The following CORO2B variants were observed in gnomAD, a reference collection of about 807,000 sequenced individuals.
CORO2B encodes the protein coronin-2B.
Under a neutral mutation model 58.8 loss-of-function variants are expected in CORO2B, and 26 were observed. The ratio of observed to expected loss-of-function variants is 0.44; its 90% CI spans 0.32 to 0.61. CORO2B has a LOEUF of 0.61. CORO2B is among the 20% of genes least tolerant of loss of function. The pLI, the probability that CORO2B is intolerant of heterozygous loss-of-function variation, is 0.04. For synonymous variants in CORO2B, 242 were observed against 253.8 expected, an observed-to-expected ratio of 0.95 and a Z score of 0.44; for missense variants, 460 against 645.1, an observed-to-expected ratio of 0.71 and a Z score of 3.11.
chr15:68,632,481 AT>A, intron 1 of CORO2B: 1 of 964,720 alleles, frequency 1.0e-6, no homozygotes, highest in Non-Finnish European at 1.2e-6. Flanking sequence ...CTCTTAAGAT[AT>A]TTTGTGGCTG....
chr15:68,630,772 G>A (rs1900806760), intron 1 of CORO2B, among the ~76,000 whole-genome samples: 1 of 152,162 alleles, frequency 6.6e-6, no homozygotes, highest in South Asian at 2.1e-4. Flanking sequence ...TTCTGTCCTT[G>A]TGGTCTGTCT....
At chr15:68,596,498 C>T (rs1899833669) in intron 1 of CORO2B, among the ~76,000 whole-genome samples, 1 of 152,084 alleles carries the variant, frequency 6.6e-6, no homozygotes, top group Non-Finnish European at 1.5e-5. Context: ...CCACGGAAAG[C>T]ACAGTGAGCA....
chr15:68,698,136 A>T (rs1282444268), intron 3 of CORO2B, among the ~76,000 whole-genome samples: 4 of 152,200 alleles, frequency 2.6e-5, no homozygotes, highest in Admixed American at 2.6e-4. Flanking sequence ...GAGGGTTGGT[A>T]GGTAGGTCAC....
intron 11 of CORO2B, among the ~76,000 whole-genome samples, chr15:68,720,256 G>A (rs1893130293): frequency 6.6e-6 from 1 of 152,166 alleles, no homozygotes; most frequent in African/African-American, 2.4e-5. Flanking sequence ...ACCTTTATAA[G>A]TCCATTTCCT....
Position 68,710,270 on chromosome 15 carries a change from G to A in CORO2B, c.334-462G>A, listed in dbSNP as rs1455117911. Among the ~76,000 whole-genome samples the A allele has an allele frequency of 6.6e-6, 1 of 152,178 alleles. No homozygotes were observed. The highest frequency in any genetic ancestry group is 1.5e-5 in the Non-Finnish European group (1 of 68,022). ...CAGATGCAGTTCCCCCTGCCCAGGG[G>A]TCCATCCTGGGTGGGGGACACAGTG... On this transcript the variant is annotated intron_variant, in intron 3 of 11. Coordinates refer to ENST00000261861, the MANE Select transcript of CORO2B (RefSeq NM_006091.5). This position sits in a 1 kb window ranked among gnomAD's most constrained non-coding sequence, Gnocchi z 4.1.
At chr15:68,604,540 A>C (rs1237282611) in intron 1 of CORO2B, among the ~76,000 whole-genome samples, 1 of 151,690 alleles carries the variant, frequency 6.6e-6, no homozygotes, top group Non-Finnish European at 1.5e-5. Context: ...TCTCAGCAGC[A>C]TGGCTAGAAT....
intron 1 of CORO2B, among the ~76,000 whole-genome samples, chr15:68,601,009 G>T (rs1292284743): frequency 3.3e-5 from 5 of 152,192 alleles, no homozygotes; most frequent in Non-Finnish European, 1.5e-5. Context: ...AAAAGGGAGA[G>T]GACACCTCCT....
At chr15:68,706,413 C>T (rs1405699804) in intron 3 of CORO2B, among the ~76,000 whole-genome samples, 1 of 152,006 alleles carries the variant, frequency 6.6e-6, no homozygotes, top group Middle Eastern at 3.2e-3. Context: ...CTTAGTGCTA[C>T]TCAAGAGCAG....
At position 68,727,496 on chromosome 15, in the gene CORO2B, A is replaced by G. The variant is rs1021241378; in HGVS notation, c.*1522A>G. ...TTTCTTTCATTAGCTAGGATCTACT[A>G]GATGCATTATACTCCATACCTGCTT... On this transcript the variant is annotated 3_prime_UTR_variant, in exon 12 of 12. Transcript: ENST00000261861. 1 of 152,236 alleles carries G rather than the reference A, an allele frequency of 6.6e-6. No homozygotes were observed. The highest frequency in any genetic ancestry group is 1.5e-5 in the Non-Finnish European group (1 of 68,038). 9.4% of individuals were successfully genotyped at this position (152,236 alleles called of 1,614,324 possible).
intron 2 of CORO2B, among the ~76,000 whole-genome samples, chr15:68,656,679 G>A (rs1054213725): frequency 2.6e-5 from 4 of 152,174 alleles, no homozygotes; most frequent in African/African-American, 4.8e-5. Context: ...CAGGGAGGCA[G>A]TGTGCCCAGT....
intron 8 of CORO2B, among the ~76,000 whole-genome samples, chr15:68,717,327 G>A (rs1209524911): frequency 6.7e-6 from 1 of 148,596 alleles, no homozygotes; most frequent in African/African-American, 2.5e-5. Flanking sequence ...AAAAAAAAAA[G>A]ATTTCTCTGG....
chr15:68,606,536 C>T (rs1031545061), intron 1 of CORO2B, among the ~76,000 whole-genome samples: 2 of 152,172 alleles, frequency 1.3e-5, no homozygotes, highest in East Asian at 1.9e-4. Context: ...GTTGGTCAGG[C>T]GCTTTCCTTA....
At chr15:68,532,454 A>G in the CORO2B span, among the ~76,000 whole-genome samples, 1 of 151,982 alleles carries the variant, frequency 6.6e-6, no homozygotes, top group African/African-American at 2.4e-5. Flanking sequence ...CATTTCACAT[A>G]TTGTATTTTT....
intron 2 of CORO2B, among the ~76,000 whole-genome samples, chr15:68,647,754 T>G (rs969800724): frequency 2.0e-5 from 3 of 147,590 alleles, no homozygotes; most frequent in Admixed American, 1.4e-4. Flanking sequence ...ACGCCTGTAA[T>G]CCCAACACTT....
chr15:68,589,804 G>A (rs1163392264), intron 1 of CORO2B, among the ~76,000 whole-genome samples: 1 of 152,246 alleles, frequency 6.6e-6, no homozygotes, highest in African/African-American at 2.4e-5. Context: ...CTCCCCAAGT[G>A]ACCAACTAGG....
chr15:68,582,491 T>A (rs1252101949), intron 1 of CORO2B, among the ~76,000 whole-genome samples: 2 of 152,352 alleles, frequency 1.3e-5, no homozygotes, highest in South Asian at 4.1e-4. Context: ...TAGCTCCAGC[T>A]GATTTTATTC....
the CORO2B span, among the ~76,000 whole-genome samples, chr15:68,545,837 G>A: frequency 6.6e-6 from 1 of 152,200 alleles, no homozygotes; most frequent in Non-Finnish European, 1.5e-5. Context: ...GGCATCCCCA[G>A]CCCTCAGCCT....
intron 2 of CORO2B, among the ~76,000 whole-genome samples, chr15:68,663,196 G>A (rs1478245558): frequency 1.3e-5 from 2 of 152,032 alleles, no homozygotes; most frequent in Non-Finnish European, 2.9e-5. Flanking sequence ...TATATATCTT[G>A]GAGATCTTTT....
intron 2 of CORO2B, among the ~76,000 whole-genome samples, chr15:68,649,530 C>T (rs1441021377): frequency 3.3e-5 from 5 of 152,162 alleles, no homozygotes. Flanking sequence ...CAGTCTCGTT[C>T]TCCAGCGTTC....
Sources: gnomAD v4.1 joint callset for allele counts (sites outside exome capture counted in the v4.1 genomes callset) on GRCh38, gnomAD v4.1.1 for gene constraint, Gnocchi (gnomAD v3.1) non-coding constraint, MANE v1.5 for transcripts, NCBI Gene and HGNC (gene_info 2026-07-23, HGNC 2026-07-21) for gene names.